Variants in ADAMTS2 observed in about 807,000 individuals in gnomAD.
The protein encoded by ADAMTS2 is A disintegrin and metalloproteinase with thrombospondin motifs 2.
Under a neutral mutation model 123.0 loss-of-function variants are expected in ADAMTS2, and 50 were observed. The observed-to-expected ratio is 0.41, with a 90% CI of 0.32 to 0.51. The LOEUF is 0.51. Among genes scored for constraint, ADAMTS2 ranks in the 20% least tolerant of loss-of-function variants. The pLI is 0.35. For synonymous variants in ADAMTS2, 678 were observed against 695.4 expected (o/e 0.98, Z 0.39); for missense variants, 1,494 against 1,705.2 (o/e 0.88, Z 2.18).
In ADAMTS2 at chr5:179,207,728, GACA is replaced by G; in HGVS notation, c.689-16_689-14del. 6.2e-7 allele frequency: 1 copy of G among 1,608,502 alleles called. No individual in the cohort carries two copies. The highest frequency in any genetic ancestry group is 8.5e-7 in the Non-Finnish European group (1 of 1,179,834). ...TCCAGGGAGGCCCCTGCAAGGAGAG[GACA>G]CCGTCTTCAGCGGCAGGGCAAACCC... On this transcript the variant is annotated splice_polypyrimidine_tract_variant and intron_variant, in intron 3 of 21. Transcript: ENST00000251582.
In ADAMTS2 at chr5:179,262,460, G is replaced by T. The variant is rs57060660; in HGVS notation, c.688+10451C>A. ...CGCACAGGGAATGAATTCTCACCCC[G>T]TACCGTGACCGTCCCTTCAAAGCGA... On this transcript the variant is annotated intron_variant, in intron 3 of 21. Coordinates refer to ENST00000251582, the MANE Select transcript of ADAMTS2 (RefSeq NM_014244.5). This position sits in a 1 kb window ranked among gnomAD's most constrained non-coding sequence, Gnocchi z 5.9. 0.061 allele frequency among the ~76,000 whole-genome samples: 9,234 copies of T among 151,398 alleles called. 900 individuals carry two copies. The highest frequency in any genetic ancestry group is 0.21 in the African/African-American group (8,653 of 41,172).
intron 3 of ADAMTS2, among the ~76,000 whole-genome samples, chr5:179,209,967 C>G (rs888401840): frequency 2.0e-5 from 3 of 152,204 alleles, no homozygotes; most frequent in African/African-American, 7.2e-5. Flanking sequence ...ACGGGCGGTG[C>G]CCTCGGCAAA....
chr5:179,297,541 C>T (rs923995495), intron 2 of ADAMTS2, among the ~76,000 whole-genome samples: 3 of 152,102 alleles, frequency 2.0e-5, no homozygotes, highest in Admixed American at 1.3e-4. Context: ...TTGACTGTTC[C>T]CTTCCCCAAT....
chr5:179,134,785 TCCCGGCTCCAGCCC>T (rs1373525654), intron 13 of ADAMTS2, among the ~76,000 whole-genome samples: 11,718 of 54,500 alleles, frequency 0.22, 1,607 homozygotes, highest in Non-Finnish European at 0.26. Context: ...ATCCCCCAGC[TCCCGGCTCCAGCCC>T]CCAGCTCCCG....
chr5:179,124,903 C>T (rs1368758612), intron 19 of ADAMTS2, 70 bp downstream of exon 19: 28 of 1,592,348 alleles, frequency 1.8e-5, no homozygotes, highest in East Asian at 2.3e-5. Context: ...ATGCAGCGCA[C>T]GGAGCGCACC....
intron 2 of ADAMTS2, among the ~76,000 whole-genome samples, chr5:179,298,478 AC>A (rs1185378523): frequency 1.3e-5 from 2 of 152,020 alleles, no homozygotes; most frequent in African/African-American, 2.4e-5. Flanking sequence ...CAGACACCAA[AC>A]CCACTGGCGC....
At chr5:179,291,370 C>T (rs116681650) in intron 2 of ADAMTS2, among the ~76,000 whole-genome samples, 3,335 of 152,320 alleles carry the variant, frequency 0.022, 63 homozygotes, top group Non-Finnish European at 0.037. Flanking sequence ...TCAAAGGTTC[C>T]GTGTCATTTC....
chr5:179,290,880 A>C (rs1381378918), intron 2 of ADAMTS2, among the ~76,000 whole-genome samples: 1 of 152,204 alleles, frequency 6.6e-6, no homozygotes, highest in African/African-American at 2.4e-5. Flanking sequence ...CAGGAACACC[A>C]GGGAGAACCG....
intron 3 of ADAMTS2, among the ~76,000 whole-genome samples, chr5:179,243,453 C>T (rs1279968107): frequency 6.6e-6 from 1 of 152,126 alleles, no homozygotes; most frequent in East Asian, 1.9e-4. Flanking sequence ...TGCACACGCT[C>T]AAGGCTGTGC....
chr5:179,155,362 C>T lies in ADAMTS2; in HGVS notation c.1133-443G>A, dbSNP rs72818606. On this transcript the variant is annotated intron_variant, in intron 6 of 21. Transcript: ENST00000251582. This position sits in a 1 kb window ranked among gnomAD's most constrained non-coding sequence, Gnocchi z 5.1. ...ATCCTGCCCCTCGTCTGCCTGGTAT[C>T]ACACCCTCCAAGCCCACCTCCTCTG... Among the ~76,000 whole-genome samples, 1 of 152,226 alleles carries T rather than the reference C, an allele frequency of 6.6e-6. No individual in the cohort carries two copies. Among genetic ancestry groups the T allele is most frequent in the African/African-American group, 2.4e-5 (1 of 41,468 alleles).
chr5:179,252,618 T>C (rs531706192), intron 3 of ADAMTS2, among the ~76,000 whole-genome samples: 3 of 152,332 alleles, frequency 2.0e-5, no homozygotes, highest in Non-Finnish European at 4.4e-5. Flanking sequence ...ACAGGCATGA[T>C]GGTCAGGGAA....
At chr5:179,218,689 G>A (rs1008267894) in intron 3 of ADAMTS2, among the ~76,000 whole-genome samples, 6 of 152,198 alleles carry the variant, frequency 3.9e-5, no homozygotes, top group African/African-American at 9.7e-5. Flanking sequence ...AGCGCATCAG[G>A]AACCGCTGTG....
rs1234192227 is a variant in ADAMTS2 at position 179,234,023 on chromosome 5, C to T, written c.689-26308G>A. 6.6e-6 allele frequency among the ~76,000 whole-genome samples: 1 copy of T among 152,158 alleles called. No individual in the cohort carries two copies. The highest frequency in any genetic ancestry group is 1.5e-5 in the Non-Finnish European group (1 of 68,022). On this transcript the variant is annotated intron_variant, in intron 3 of 21. Coordinates refer to ENST00000251582, the MANE Select transcript of ADAMTS2 (RefSeq NM_014244.5). This position sits in a 1 kb window ranked among gnomAD's most constrained non-coding sequence, Gnocchi z 4.7. ...AAACACCTGGTCACAATGGTTAAGA[C>T]CCTCCTGTGTCCAGGACCCCGACTG... is the stretch of plus-strand genomic sequence containing the variant.
intron 3 of ADAMTS2, among the ~76,000 whole-genome samples, chr5:179,230,136 G>A (rs1470498390): frequency 2.0e-5 from 3 of 152,178 alleles, no homozygotes; most frequent in East Asian, 1.9e-4. Flanking sequence ...ACATATCACC[G>A]GATTAAGTGA....
chr5:179,222,487 G>A (rs929887560), intron 3 of ADAMTS2, among the ~76,000 whole-genome samples: 2 of 152,244 alleles, frequency 1.3e-5, no homozygotes, highest in East Asian at 1.9e-4. Flanking sequence ...TGCCTGCAGA[G>A]AGGATGGCAA....
intron 3 of ADAMTS2, among the ~76,000 whole-genome samples, chr5:179,219,097 G>T (rs891265137): frequency 2.0e-5 from 3 of 152,188 alleles, no homozygotes; most frequent in Non-Finnish European, 2.9e-5. Flanking sequence ...AGTGCCCAAG[G>T]GGTCCTGTTA....
intron 13 of ADAMTS2, among the ~76,000 whole-genome samples, chr5:179,133,414 C>T (rs1762999761): frequency 3.3e-5 from 5 of 151,408 alleles, no homozygotes; most frequent in Admixed American, 3.3e-4. Context: ...ATTACAGGTG[C>T]CCACCACCAT....
chr5:179,134,811 CTCCAGCCCCCAGCTCCCGG>C (rs1763027589), intron 13 of ADAMTS2, among the ~76,000 whole-genome samples: 1 of 118,396 alleles, frequency 8.4e-6, no homozygotes, highest in African/African-American at 3.5e-5. Context: ...CAGCTCCCGG[CTCCAGCCCCCAGCTCCCGG>C]CTCCAGCCCC....
In ADAMTS2 at chr5:179,170,674, G is replaced by A. The variant is rs139263166; in HGVS notation, c.975+10398C>T. Among the ~76,000 whole-genome samples the A allele has an allele frequency of 3.8e-3, 571 of 152,196 alleles. 3 individuals are homozygous for A. The highest frequency in any genetic ancestry group is 0.013 in the African/African-American group (536 of 41,528). ...ATCTTGGCTGGGAAGTCCCCATCCTGGCTGCTCCATCCATGGTCCCCTATT... is the reference window on the plus strand; with the variant it reads ...ATCTTGGCTGGGAAGTCCCCATCCTAGCTGCTCCATCCATGGTCCCCTATT... On this transcript the variant is annotated intron_variant, in intron 5 of 21. Transcript: ENST00000251582. This position sits in a 1 kb window ranked among gnomAD's most constrained non-coding sequence, Gnocchi z 4.3.
Sources: gnomAD v4.1 joint callset for allele counts (sites outside exome capture counted in the v4.1 genomes callset) on GRCh38, gnomAD v4.1.1 for gene constraint, Gnocchi (gnomAD v3.1) non-coding constraint, MANE v1.5 for transcripts, NCBI Gene and HGNC (gene_info 2026-07-23, HGNC 2026-07-21) for gene names.